The following NAV3 variants were observed in gnomAD, a reference collection of about 807,000 sequenced individuals.
NAV3 encodes neuron navigator 3, also known as pore membrane and/or filament interacting like protein 1.
NAV3 carries 87 observed loss-of-function variants against 244.7 expected under a neutral mutation model. The ratio of observed to expected loss-of-function variants is 0.36; its 90% CI spans 0.30 to 0.42. The LOEUF is 0.42. Ranked by LOEUF, NAV3 falls within the 20% of genes least tolerant of loss-of-function variation. The pLI is 1.00. For missense variants in NAV3, 2,663 were observed against 2,893.3 expected, an observed-to-expected ratio of 0.92 and a Z score of 1.83; for synonymous variants, 1,126 against 1,042.2, an observed-to-expected ratio of 1.08 and a Z score of -1.55.
intron 2 of NAV3, among the ~76,000 whole-genome samples, chr12:77,652,600 C>T (rs1354053566): frequency 6.6e-6 from 1 of 152,006 alleles, no homozygotes; most frequent in East Asian, 1.9e-4. Flanking sequence ...CAAAATGTAC[C>T]CAAATTCATA....
chr12:78,180,840 G>GT, intron 29 of NAV3, 31 bp from the exon 30 acceptor site: 1 of 1,577,260 alleles, frequency 6.3e-7, no homozygotes, highest in South Asian at 1.2e-5. Context: ...AACCAACTCA[G>GT]TTTTTTTCAT....
At chr12:78,059,961 ATGTGTGTG>A (rs55881265) in intron 12 of NAV3, among the ~76,000 whole-genome samples, 1 of 149,562 alleles carries the variant, frequency 6.7e-6, no homozygotes, top group Non-Finnish European at 1.5e-5. Flanking sequence ...TTTCTTAAAG[ATGTGTGTG>A]TGTGTGTGTG....
At chr12:77,632,541 C>A (rs906409079) in intron 2 of NAV3, among the ~76,000 whole-genome samples, 1 of 152,098 alleles carries the variant, frequency 6.6e-6, no homozygotes, top group Non-Finnish European at 1.5e-5. Flanking sequence ...AAGACCCACC[C>A]CCATGATTCA....
At chr12:78,041,915 C>G (rs1880928253) in intron 9 of NAV3, among the ~76,000 whole-genome samples, 1 of 152,084 alleles carries the variant, frequency 6.6e-6, no homozygotes, top group African/African-American at 2.4e-5. Context: ...TTAATACATG[C>G]TATTTTTTGC....
intron 2 of NAV3, among the ~76,000 whole-genome samples, chr12:77,665,071 T>G (rs973933829): frequency 3.9e-5 from 6 of 152,230 alleles, no homozygotes; most frequent in African/African-American, 1.2e-4. Context: ...AACAAGTTTG[T>G]GCTACTTCAT....
At chr12:77,725,285 T>C (rs191514983) in intron 2 of NAV3, among the ~76,000 whole-genome samples, 41 of 152,124 alleles carry the variant, frequency 2.7e-4, no homozygotes, top group Middle Eastern at 3.4e-3. Context: ...CTGGGAGCTA[T>C]TTCTGTATCT....
At chr12:77,949,793 T>C (rs1464791357) in intron 3 of NAV3, among the ~76,000 whole-genome samples, 1 of 152,070 alleles carries the variant, frequency 6.6e-6, no homozygotes, top group Non-Finnish European at 1.5e-5. Flanking sequence ...CATTATAGTA[T>C]TATACAGAGA....
chr12:78,186,726 C>T (rs1593962797), intron 31 of NAV3, among the ~76,000 whole-genome samples: 1 of 151,866 alleles, frequency 6.6e-6, no homozygotes, highest in Non-Finnish European at 1.5e-5. Flanking sequence ...TCTTATTCTA[C>T]TTGGACTTCC....
intron 2 of NAV3, among the ~76,000 whole-genome samples, chr12:77,647,012 T>C (rs1872628907): frequency 6.6e-6 from 1 of 151,666 alleles, no homozygotes; most frequent in South Asian, 2.1e-4. Flanking sequence ...AAAATATATA[T>C]ACATGGACAT....
At chr12:77,949,130 T>C (rs1890639753) in intron 3 of NAV3, among the ~76,000 whole-genome samples, 4 of 152,038 alleles carry the variant, frequency 2.6e-5, no homozygotes, top group Non-Finnish European at 5.9e-5. Context: ...CTGCCTTCTA[T>C]TAGCCATGTT....
At chr12:77,752,769 TGACA>T (rs1868926619) in intron 2 of NAV3, among the ~76,000 whole-genome samples, 2 of 152,140 alleles carry the variant, frequency 1.3e-5, no homozygotes, top group South Asian at 2.1e-4. Flanking sequence ...ATACAGTGAC[TGACA>T]GAGTATCATG....
chr12:77,614,681 G>GTGACCT (rs1871079523), intron 2 of NAV3, among the ~76,000 whole-genome samples: 1 of 152,144 alleles, frequency 6.6e-6, no homozygotes, highest in Admixed American at 6.5e-5. Flanking sequence ...TTCTGGCTGT[G>GTGACCT]TGACCTTCCA....
chr12:78,054,823 G>A (rs891575512), intron 11 of NAV3, among the ~76,000 whole-genome samples: 29 of 152,160 alleles, frequency 1.9e-4, no homozygotes, highest in Admixed American at 5.9e-4. Flanking sequence ...GAGAGAGAGA[G>A]GATTTTTTGA....
upstream of NAV3, among the ~76,000 whole-genome samples, chr12:77,827,755 A>G (rs11106877): frequency 0.19 from 29,413 of 152,138 alleles, 3,619 homozygotes; most frequent in East Asian, 0.4. Flanking sequence ...TCATACATTT[A>G]CTTCCTTTAA....
At chr12:77,866,546 C>T (rs1181833468) in intron 1 of NAV3, among the ~76,000 whole-genome samples, 1 of 152,180 alleles carries the variant, frequency 6.6e-6, no homozygotes, top group Non-Finnish European at 1.5e-5. Context: ...TCCTATCCCA[C>T]ATCAAGACTA....
At chr12:77,832,778 C>T (rs1873945146) in intron 1 of NAV3, among the ~76,000 whole-genome samples, 1 of 152,072 alleles carries the variant, frequency 6.6e-6, no homozygotes, top group South Asian at 2.1e-4. Context: ...TCCCCCTACC[C>T]CTCGCCACTA....
intron 12 of NAV3, among the ~76,000 whole-genome samples, chr12:78,090,183 A>ATG (rs1047818880): frequency 5.4e-5 from 8 of 147,456 alleles, no homozygotes; most frequent in African/African-American, 1.5e-4. Context: ...GTAAATATAT[A>ATG]TGTGTGTATA....
chr12:77,663,144 T>G (rs1308089555), intron 2 of NAV3, among the ~76,000 whole-genome samples: 1 of 152,194 alleles, frequency 6.6e-6, no homozygotes, highest in East Asian at 1.9e-4. Context: ...ATCAGAGTCA[T>G]TTTAGACATC....
intron 2 of NAV3, among the ~76,000 whole-genome samples, chr12:77,804,879 G>T (rs1440269450): frequency 6.6e-6 from 1 of 151,974 alleles, no homozygotes; most frequent in East Asian, 1.9e-4. Context: ...CCTTGAAGAG[G>T]TCCTTCACAT....
Sources: gnomAD v4.1 joint callset for allele counts (sites outside exome capture counted in the v4.1 genomes callset) on GRCh38, gnomAD v4.1.1 for gene constraint, MANE v1.5 for transcripts, NCBI Gene and HGNC (gene_info 2026-07-23, HGNC 2026-07-21) for gene names.